Variants in PPP2R2C observed in about 807,000 individuals in gnomAD.
PPP2R2C encodes protein phosphatase 2, regulatory subunit B, gamma.
Under a neutral mutation model 45.3 loss-of-function variants are expected in PPP2R2C, and 10 were observed. That is an observed-to-expected ratio of 0.22 (90% CI 0.14 to 0.37). PPP2R2C has a LOEUF of 0.37. Ranked by LOEUF, PPP2R2C falls within the 10% of genes least tolerant of loss-of-function variation. The pLI, the probability that PPP2R2C is intolerant of heterozygous loss-of-function variation, is 1.00. For synonymous variants in PPP2R2C, 257 were observed against 245.4 expected (o/e 1.05, Z -0.44); for missense variants, 308 against 619.7 (o/e 0.50, Z 5.34).
chr4:6,516,452 C>A (rs1723831943), intron 2 of PPP2R2C, among the ~76,000 whole-genome samples: 1 of 152,230 alleles, frequency 6.6e-6, no homozygotes, highest in South Asian at 2.1e-4. Flanking sequence ...TCAGAGAGGG[C>A]CTGGCTAGCC....
At position 6,333,780 on chromosome 4, in the gene PPP2R2C, G is replaced by A. The variant is rs1450818472; in HGVS notation, c.791-49C>T. The A allele has an allele frequency of 7.5e-6, 12 of 1,605,516 alleles. No individual in the cohort carries two copies. In the East Asian group the frequency reaches 1.8e-4, roughly 24 times the overall value. On this transcript the variant is annotated intron_variant, in intron 6 of 8. Transcript: ENST00000382599. ...CCGTCACTGCGCTGCTCCCGCCCAT[G>A]GGGTTGGCACGACGGATGACTCTGT...
intron 1 of PPP2R2C, among the ~76,000 whole-genome samples, chr4:6,542,132 C>A (rs1724820066): frequency 6.6e-6 from 1 of 152,192 alleles, no homozygotes; most frequent in African/African-American, 2.4e-5. Context: ...GCGCTCACTC[C>A]CAGCCACCAT....
intron 2 of PPP2R2C, among the ~76,000 whole-genome samples, chr4:6,494,206 G>T (rs557584720): frequency 6.6e-6 from 1 of 152,294 alleles, no homozygotes; most frequent in South Asian, 2.1e-4. Context: ...ACAGCCAGGG[G>T]GCCCATACCA....
At chr4:6,500,495 C>T (rs2108793611) in intron 2 of PPP2R2C, among the ~76,000 whole-genome samples, 1 of 152,326 alleles carries the variant, frequency 6.6e-6, no homozygotes, top group Middle Eastern at 3.4e-3. Context: ...AGGAGTCACC[C>T]TAACCCTATT....
intron 5 of PPP2R2C, among the ~76,000 whole-genome samples, chr4:6,367,319 G>A (rs939530600): frequency 1.3e-5 from 2 of 152,162 alleles, no homozygotes; most frequent in Non-Finnish European, 1.5e-5. Flanking sequence ...GCGACATGGT[G>A]GAAAACCTCC....
chr4:6,395,916 T>G (rs1346378453), intron 1 of PPP2R2C, among the ~76,000 whole-genome samples: 1 of 152,112 alleles, frequency 6.6e-6, no homozygotes, highest in East Asian at 1.9e-4. Context: ...GCATTAAGGC[T>G]TATGGGCCCC....
At chr4:6,383,236 C>A in intron 1 of PPP2R2C, 5 of 1,188,694 alleles carry the variant, frequency 4.2e-6, no homozygotes, top group Non-Finnish European at 5.3e-6. Flanking sequence ...TGCAGAAGAA[C>A]CCCCCCAACC....
In PPP2R2C at chr4:6,359,221, A is replaced by C. The variant is rs181723775; in HGVS notation, c.626-11211T>G. ...GGACATGGATGAAGCTGGAAACCATAATTCTGAGCAAACTATTCCAAGGAC... is the reference window on the plus strand; with the variant it reads ...GGACATGGATGAAGCTGGAAACCATCATTCTGAGCAAACTATTCCAAGGAC... On this transcript the variant is annotated intron_variant, in intron 5 of 8. Transcript: ENST00000382599. 5.9e-5 allele frequency among the ~76,000 whole-genome samples: 9 copies of C among 152,290 alleles called. No homozygotes were observed. In the East Asian group the frequency reaches 1.7e-3, roughly 29 times the overall value.
At chr4:6,499,234 G>A (rs1449898356) in intron 2 of PPP2R2C, among the ~76,000 whole-genome samples, 1 of 152,180 alleles carries the variant, frequency 6.6e-6, no homozygotes, top group Non-Finnish European at 1.5e-5. Flanking sequence ...GAGCAGCCCA[G>A]GGGAAGGACT....
At position 6,333,480 on chromosome 4, in the gene PPP2R2C, T is replaced by C. The variant is rs148348993; in HGVS notation, c.960+82A>G. Reference sequence around the variant, plus strand: ...ATACCGGGCATATGAAAGCCACGCCTGGCTAGGAAGGCCCCCTCCATGGGG... The same window carrying C: ...ATACCGGGCATATGAAAGCCACGCCCGGCTAGGAAGGCCCCCTCCATGGGG... On this transcript the variant is annotated intron_variant, in intron 7 of 8. Transcript: ENST00000382599. 3,953 of 1,501,012 alleles carry C rather than the reference T, an allele frequency of 2.6e-3. 90 individuals are homozygous for C. In the African/African-American group the frequency reaches 0.048, roughly 18 times the overall value. The allele number at this position is 1,501,012 out of a possible 1,614,324, so 93.0% of individuals were successfully genotyped here.
At chr4:6,512,206 GTGGTGATGGTGGTGT>G (rs1723615555) in intron 2 of PPP2R2C, among the ~76,000 whole-genome samples, 1 of 89,490 alleles carries the variant, frequency 1.1e-5, no homozygotes. Flanking sequence ...GGTGATGGTG[GTGGTGATGGTGGTGT>G]TGGTGGTGGT....
intron 1 of PPP2R2C, among the ~76,000 whole-genome samples, chr4:6,447,227 C>T (rs1249450442): frequency 2.0e-5 from 3 of 152,138 alleles, no homozygotes; most frequent in Admixed American, 6.5e-5. Context: ...ACTCTCGGGT[C>T]GGTGCCTCCC....
chr4:6,406,724 T>C (rs1022398432), intron 1 of PPP2R2C, among the ~76,000 whole-genome samples: 1 of 152,024 alleles, frequency 6.6e-6, no homozygotes, highest in East Asian at 1.9e-4. Context: ...ACCACTGCAC[T>C]CCAGCCAGGG....
chr4:6,524,503 A>G (rs1162990161), intron 2 of PPP2R2C, among the ~76,000 whole-genome samples: 1 of 152,244 alleles, frequency 6.6e-6, no homozygotes, highest in Non-Finnish European at 1.5e-5. Flanking sequence ...AACAGGGTCT[A>G]GGAATCCACG....
chr4:6,499,466 G>T (rs929512035), intron 2 of PPP2R2C, among the ~76,000 whole-genome samples: 2 of 152,060 alleles, frequency 1.3e-5, no homozygotes, highest in Non-Finnish European at 2.9e-5. Flanking sequence ...GCCTAGGCAG[G>T]GTACTTCCTT....
intron 1 of PPP2R2C, among the ~76,000 whole-genome samples, chr4:6,559,057 G>A (rs746945188): frequency 5.9e-5 from 9 of 152,230 alleles, no homozygotes; most frequent in African/African-American, 1.9e-4. Flanking sequence ...GGAACACTGC[G>A]CTGAGACAGG....
At chr4:6,552,932 T>A (rs1208317710) in intron 1 of PPP2R2C, among the ~76,000 whole-genome samples, 1 of 152,184 alleles carries the variant, frequency 6.6e-6, no homozygotes, top group African/African-American at 2.4e-5. Context: ...CCAGTTCCAA[T>A]GGCCTCCATA....
At chr4:6,544,040 A>G (rs2108834273) in intron 1 of PPP2R2C, among the ~76,000 whole-genome samples, 1 of 152,268 alleles carries the variant, frequency 6.6e-6, no homozygotes, top group South Asian at 2.1e-4. Flanking sequence ...GAGGGGAAAA[A>G]GAAGCCCAGT....
At chr4:6,361,326 T>A (rs1713710104) in intron 5 of PPP2R2C, among the ~76,000 whole-genome samples, 1 of 152,204 alleles carries the variant, frequency 6.6e-6, no homozygotes, top group African/African-American at 2.4e-5. Context: ...CCTCAGGTGA[T>A]TCATAAGTGC....
Sources: gnomAD v4.1 joint callset for allele counts (sites outside exome capture counted in the v4.1 genomes callset) on GRCh38, gnomAD v4.1.1 for gene constraint, MANE v1.5 for transcripts, NCBI Gene and HGNC (gene_info 2026-07-23, HGNC 2026-07-21) for gene names.